Variants in TULP4 observed in about 807,000 individuals in gnomAD.
TULP4 encodes tubby-related protein 4.
TULP4 carries 16 observed loss-of-function variants against 129.0 expected under a neutral mutation model. The ratio of observed to expected loss-of-function variants is 0.12; its 90% confidence interval spans 0.08 to 0.19. The LOEUF is 0.19. TULP4 is among the 10% of genes least tolerant of loss of function. The probability of loss-of-function intolerance (pLI) is 1.00; values close to 1 mark genes in which losing one functional copy is unlikely to be tolerated. For missense variants in TULP4, 1,842 were observed against 2,059.1 expected, an observed-to-expected ratio of 0.89 and a Z score of 2.04; for synonymous variants, 998 against 854.0, an observed-to-expected ratio of 1.17 and a Z score of -2.94.
At chr6:158,407,001 A>G (rs1220984156) in intron 1 of TULP4, among the ~76,000 whole-genome samples, 1 of 152,238 alleles carries the variant, frequency 6.6e-6, no homozygotes. Context: ...TTCCTGTATT[A>G]TCTCTAGGCC....
chr6:158,291,664 A>G (rs906295932), intron 1 of TULP4, among the ~76,000 whole-genome samples: 7 of 151,932 alleles, frequency 4.6e-5, no homozygotes, highest in Non-Finnish European at 8.8e-5. Flanking sequence ...TAGAATTTTA[A>G]TTAGATTTGT....
At chr6:158,471,981 A>T (rs915100818) in intron 6 of TULP4, among the ~76,000 whole-genome samples, 1 of 152,184 alleles carries the variant, frequency 6.6e-6, no homozygotes, top group Non-Finnish European at 1.5e-5. Flanking sequence ...TCCCCACTTC[A>T]TCTGACTTAG....
chr6:158,506,106 T>C (rs908982303), intron 13 of TULP4, among the ~76,000 whole-genome samples: 11 of 152,060 alleles, frequency 7.2e-5, no homozygotes, highest in African/African-American at 2.4e-4. Context: ...TGGAGTTAGA[T>C]ATAGAAGCTT....
intron 1 of TULP4, among the ~76,000 whole-genome samples, chr6:158,349,892 C>G (rs1460829734): frequency 7.6e-6 from 1 of 130,952 alleles, no homozygotes; most frequent in African/African-American, 2.9e-5. Flanking sequence ...CGCTCCTCAC[C>G]TCCTAGGTGG....
intron 3 of TULP4, 28 bp from the exon 4 acceptor site, chr6:158,448,968 G>A: frequency 1.3e-6 from 2 of 1,580,982 alleles, no homozygotes; most frequent in Non-Finnish European, 1.7e-6. Context: ...GCTGCCACTT[G>A]GTCAGAGGTC....
At chr6:158,481,324 C>T (rs756297891) in intron 8 of TULP4, 35 bp downstream of exon 8, 3 of 1,579,074 alleles carry the variant, frequency 1.9e-6, no homozygotes, top group Non-Finnish European at 2.6e-6. Flanking sequence ...GGACCTTGTT[C>T]TCCTGTGGTC....
chr6:158,334,824 T>A (rs1779994845), intron 1 of TULP4, among the ~76,000 whole-genome samples: 1 of 152,208 alleles, frequency 6.6e-6, no homozygotes. Context: ...AGACTCCTTA[T>A]AAAAGGGCTT....
rs762591940 is a variant in TULP4 at position 158,432,096 on chromosome 6, G to GAA, written c.543+2211_543+2212dup. 1.5e-3 allele frequency among the ~76,000 whole-genome samples: 157 copies of GAA among 105,574 alleles called. 2 individuals are homozygous for GAA. Among genetic ancestry groups the GAA allele is most frequent in the Middle Eastern group, 5.2e-3 (1 of 194 alleles). The allele number at this position is 105,574 out of a possible 152,430, so 69.3% of individuals were successfully genotyped here. The stretch of plus-strand genomic sequence containing the variant: ...GGCAACATAGCAGGACCCCATCTCT[G>GAA]AAAAAAAAAAAAATTAAAAAAAAAA... On this transcript the variant is annotated intron_variant, in intron 3 of 13. Transcript: ENST00000367097.
intron 1 of TULP4, among the ~76,000 whole-genome samples, chr6:158,248,128 A>G (rs976259823): frequency 3.3e-5 from 5 of 152,226 alleles, no homozygotes; most frequent in African/African-American, 1.2e-4. Context: ...GTATGTTAAC[A>G]GATTAGAGAA....
chr6:158,360,014 T>C (rs188352663), intron 1 of TULP4, among the ~76,000 whole-genome samples: 1 of 152,026 alleles, frequency 6.6e-6, no homozygotes, highest in East Asian at 1.9e-4. Flanking sequence ...GTAGGGCCCA[T>C]CTGGGCTAAG....
intron 2 of TULP4, among the ~76,000 whole-genome samples, chr6:158,417,226 A>C (rs915645539): frequency 3.3e-5 from 5 of 152,214 alleles, no homozygotes; most frequent in South Asian, 4.1e-4. Flanking sequence ...GGGGCCCTCT[A>C]TCATCTCCAT....
chr6:158,341,460 G>A (rs1374869539), intron 1 of TULP4, among the ~76,000 whole-genome samples: 2 of 152,098 alleles, frequency 1.3e-5, no homozygotes, highest in Non-Finnish European at 2.9e-5. Flanking sequence ...CTAGCAATAG[G>A]GTTGCTGGAT....
rs944443704 is a variant in TULP4 at position 158,313,228 on chromosome 6, C to T, written c.-789C>T. On this transcript the variant is annotated 5_prime_UTR_variant, in exon 1 of 14. Coordinates refer to ENST00000367097, the MANE Select transcript of TULP4 (RefSeq NM_020245.5). ...GCCTCTATGGCACTGAGGGGTGCGC[C>T]GGCTGGTGGAGGAGCAGTCCGATGG... 1.7e-5 allele frequency: 6 copies of T among 348,932 alleles called. No homozygotes were observed. Among genetic ancestry groups the T allele is most frequent in the Non-Finnish European group, 3.1e-5 (6 of 196,016 alleles). The allele number at this position is 348,932 out of a possible 1,614,324, so 21.6% of individuals were successfully genotyped here. A position where few individuals can be genotyped will look rare whatever the true frequency, so the allele number is the denominator to read the frequency against.
intron 1 of TULP4, among the ~76,000 whole-genome samples, chr6:158,359,878 T>G (rs996053593): frequency 6.6e-6 from 1 of 152,190 alleles, no homozygotes; most frequent in East Asian, 1.9e-4. Context: ...TGACAGACTT[T>G]TCTGTGGGCC....
At chr6:158,242,766 C>CG (rs1777947765) in intron 1 of TULP4, 1 of 412,974 alleles carries the variant, frequency 2.4e-6, no homozygotes, top group Non-Finnish European at 4.6e-6. Flanking sequence ...CTGGCCGTAC[C>CG]GGTTCACTTC....
At position 158,327,673 on chromosome 6, in the gene TULP4, A is replaced by ATT. The variant is rs71030152; in HGVS notation, c.252+13414_252+13415dup. 7.1e-4 allele frequency among the ~76,000 whole-genome samples: 107 copies of ATT among 150,372 alleles called. 1 individual carries two copies. The highest frequency in any genetic ancestry group is 3.8e-3 in the South Asian group (18 of 4,764). ...AGGATACAAATTATGGTTTTAAACA[A>ATT]TTTTTTTTTTGTCCATGCATTAGAT... On this transcript the variant is annotated intron_variant, in intron 1 of 13. Transcript: ENST00000367097.
At chr6:158,326,670 C>T (rs1029441207) in intron 1 of TULP4, among the ~76,000 whole-genome samples, 2 of 152,152 alleles carry the variant, frequency 1.3e-5, no homozygotes, top group African/African-American at 2.4e-5. Flanking sequence ...TAGTTTTCTT[C>T]AGAATTTTGT....
At chr6:158,501,553 C>T in intron 12 of TULP4, 125 bp from the exon 13 acceptor site, 1 of 977,354 alleles carries the variant, frequency 1.0e-6, no homozygotes, top group Non-Finnish European at 1.5e-6. Context: ...AGACACGTCT[C>T]TGTCTCTGGC....
At chr6:158,415,221 C>T (rs745384426) in intron 2 of TULP4, among the ~76,000 whole-genome samples, 1 of 152,162 alleles carries the variant, frequency 6.6e-6, no homozygotes, top group Non-Finnish European at 1.5e-5. Flanking sequence ...GTGAACAAAC[C>T]TACTGTGATG....
Sources: allele counts gnomAD v4.1 joint callset (sites outside exome capture counted in the v4.1 genomes callset), GRCh38; gene constraint gnomAD v4.1.1; transcripts MANE v1.5; gene names NCBI Gene and HGNC (gene_info 2026-07-23, HGNC 2026-07-21).